The following ZMYM4 variants were observed in gnomAD, a reference collection of about 807,000 sequenced individuals.
ZMYM4 encodes zinc finger MYM-type protein 4.
ZMYM4 carries 31 observed loss-of-function variants against 183.2 expected under a neutral mutation model. That is an observed-to-expected ratio of 0.17 (90% CI 0.13 to 0.23). The LOEUF (loss-of-function observed/expected upper bound fraction) is 0.23, where lower values mean the gene tolerates loss of function less well. ZMYM4 is among the 10% of genes least tolerant of loss of function. The pLI is 1.00. For synonymous variants in ZMYM4, 592 were observed against 631.2 expected (o/e 0.94, Z 0.93); for missense variants, 1,273 against 1,840.3 (o/e 0.69, Z 5.64).
chr1:35,302,628 G>A (rs1028480737), intron 1 of ZMYM4, among the ~76,000 whole-genome samples: 4 of 151,726 alleles, frequency 2.6e-5, no homozygotes, highest in African/African-American at 7.3e-5. Flanking sequence ...CTCATGATCC[G>A]CCCTCCTCGG....
At chr1:35,331,968 C>T (rs1426798921) in intron 2 of ZMYM4, among the ~76,000 whole-genome samples, 1 of 151,482 alleles carries the variant, frequency 6.6e-6, no homozygotes, top group East Asian at 1.9e-4. Context: ...AAGATGATTC[C>T]AAATACAGGG....
intron 1 of ZMYM4, among the ~76,000 whole-genome samples, chr1:35,280,258 CTT>C (rs1161175167): frequency 7.7e-6 from 1 of 130,448 alleles, no homozygotes; most frequent in East Asian, 6.5e-4. Context: ...TTCTTTCTCT[CTT>C]TCTCTCTCTC....
intron 2 of ZMYM4, chr1:35,351,029 G>C: frequency 1.1e-6 from 1 of 904,024 alleles, no homozygotes. Context: ...CTGGCCTGCT[G>C]CTGGCCCGCA....
Position 35,404,879 on chromosome 1 carries a change from C to T in ZMYM4, c.3529-144C>T. 3 of 768,468 alleles carry T rather than the reference C, an allele frequency of 3.9e-6. No individual in the cohort carries two copies. The South Asian group carries it at 8.4e-5, about 21-fold the overall frequency. 47.6% of individuals were successfully genotyped at this position (768,468 alleles called of 1,614,324 possible). ...GATTAAATAATCTCTAAAGCCCTTT[C>T]TTGCTCTAAGAACTCTGAATCTTTA... On this transcript the variant is annotated intron_variant, in intron 23 of 29. Coordinates refer to ENST00000314607, the MANE Select transcript of ZMYM4 (RefSeq NM_005095.3).
rs1644669607 is a variant in ZMYM4 at position 35,389,996 on chromosome 1, T to A, written c.2485T>A (p.Leu829Met). 1.9e-6 allele frequency: 3 copies of A among 1,613,846 alleles called. No individual in the cohort carries two copies. Among genetic ancestry groups the A allele is most frequent in the Non-Finnish European group, 2.5e-6 (3 of 1,179,934 alleles). ...GCGACAGGGTAAACTCAGTGAGTCCTTGAAATGGCGAGGGGAAATGAAACA... is the reference window on the plus strand; with the variant it reads ...GCGACAGGGTAAACTCAGTGAGTCCATGAAATGGCGAGGGGAAATGAAACA... ...CKRQGKLSES[L>M]KWRGEMKHFC... The change falls in exon 15 of 30, where the codon TTG becomes ATG. Residue 829 changes from leucine to methionine, a missense_variant. By Grantham distance (15) the Leu-to-Met change is conservative. This residue lies in a region of ZMYM4 where 319 missense variants were observed against 518.1 expected (regional missense o/e 0.62). Coordinates refer to ENST00000314607, the MANE Select transcript of ZMYM4 (RefSeq NM_005095.3). The surrounding 1 kb of genome is among the most constrained non-coding windows in gnomAD (Gnocchi z 4.0).
At chr1:35,338,912 A>T (rs374349718) in intron 2 of ZMYM4, among the ~76,000 whole-genome samples, 1 of 152,232 alleles carries the variant, frequency 6.6e-6, no homozygotes, top group Non-Finnish European at 1.5e-5. Context: ...TTATGTCTTC[A>T]TAAAATCTTT....
chr1:35,358,910 ATT>A lies in ZMYM4; in HGVS notation c.86-12_86-11del. ...TAGCACTATCATTTGTCTAAACAGT[ATT>A]TTACTTTTTAAGGTGGTGGTATCAT... On this transcript the variant is annotated splice_polypyrimidine_tract_variant and intron_variant, in intron 2 of 29. Coordinates refer to ENST00000314607, the MANE Select transcript of ZMYM4 (RefSeq NM_005095.3). 6.2e-7 allele frequency: 1 copy of A among 1,603,142 alleles called. No individual in the cohort carries two copies. Among genetic ancestry groups the A allele is most frequent in the Non-Finnish European group, 8.5e-7 (1 of 1,173,790 alleles).
rs566160911 is a variant in ZMYM4 at position 35,304,890 on chromosome 1, G to T, written c.40-20470G>T. On this transcript the variant is annotated intron_variant, in intron 1 of 29. Coordinates refer to ENST00000314607, the MANE Select transcript of ZMYM4 (RefSeq NM_005095.3). ...TAGACAGAGTCTTGCTCTGTCCCCA[G>T]GCTGGAGTGCTGTGGCGCAATCTCA... Among the ~76,000 whole-genome samples, 13 of 152,094 alleles carry T rather than the reference G, an allele frequency of 8.5e-5. 2 individuals carry two copies. Among genetic ancestry groups the T allele is most frequent in the African/African-American group, 2.7e-4 (11 of 41,480 alleles).
At chr1:35,341,028 A>G (rs770556682) in intron 2 of ZMYM4, among the ~76,000 whole-genome samples, 6 of 152,124 alleles carry the variant, frequency 3.9e-5, no homozygotes, top group Non-Finnish European at 7.4e-5. Context: ...TTAAAGTTCT[A>G]TGTATATTGG....
At chr1:35,273,488 C>G (rs1317886778) in intron 1 of ZMYM4, among the ~76,000 whole-genome samples, 2 of 152,044 alleles carry the variant, frequency 1.3e-5, no homozygotes, top group Non-Finnish European at 2.9e-5. Flanking sequence ...GTTGTAAAAT[C>G]CTTGTCTTTT....
chr1:35,286,717 C>G (rs1043340132), intron 1 of ZMYM4, among the ~76,000 whole-genome samples: 2 of 149,768 alleles, frequency 1.3e-5, no homozygotes, highest in African/African-American at 4.9e-5. Context: ...TCCCACCTCA[C>G]CCACCTGAGC....
chr1:35,373,163 A>C (rs1644251507), intron 7 of ZMYM4, among the ~76,000 whole-genome samples: 1 of 151,926 alleles, frequency 6.6e-6, no homozygotes, highest in Admixed American at 6.6e-5. Context: ...TATCTCAAAA[A>C]AAAAGAAAGA....
intron 9 of ZMYM4, 58 bp downstream of exon 9, chr1:35,381,816 A>ATTTAT: frequency 1.3e-6 from 2 of 1,573,972 alleles, no homozygotes; most frequent in African/African-American, 1.4e-5. Context: ...CTGTATTTTT[A>ATTTAT]GTCAGAATTA....
At chr1:35,283,632 C>T (rs1012692164) in intron 1 of ZMYM4, among the ~76,000 whole-genome samples, 2 of 151,964 alleles carry the variant, frequency 1.3e-5, no homozygotes, top group Admixed American at 6.6e-5. Flanking sequence ...GCACTGCACC[C>T]GGCCTTGAAG....
chr1:35,384,477 T>A (rs1431901228), intron 9 of ZMYM4, among the ~76,000 whole-genome samples: 1 of 152,242 alleles, frequency 6.6e-6, no homozygotes, highest in East Asian at 1.9e-4. Context: ...ATGTTAATAA[T>A]ACTTAGCATT....
intron 2 of ZMYM4, among the ~76,000 whole-genome samples, chr1:35,328,030 T>A (rs1642578526): frequency 6.6e-6 from 1 of 152,160 alleles, no homozygotes; most frequent in Non-Finnish European, 1.5e-5. Context: ...TGCTCAAGTG[T>A]GTATATTGGT....
At chr1:35,331,706 G>A (rs1642753901) in intron 2 of ZMYM4, among the ~76,000 whole-genome samples, 1 of 151,756 alleles carries the variant, frequency 6.6e-6, no homozygotes. Context: ...AGAATCACTT[G>A]AACCCTGGAA....
intron 1 of ZMYM4, among the ~76,000 whole-genome samples, chr1:35,319,400 G>A (rs1446725203): frequency 1.3e-5 from 2 of 152,004 alleles, no homozygotes. Flanking sequence ...GAGGTGGGAA[G>A]ATCACGAGGC....
chr1:35,309,879 T>TA (rs1434389192), intron 1 of ZMYM4, among the ~76,000 whole-genome samples: 1 of 151,652 alleles, frequency 6.6e-6, no homozygotes, highest in Non-Finnish European at 1.5e-5. Context: ...GACATCTTCT[T>TA]AAAAAAACTT....
Sources: gnomAD v4.1 joint callset for allele counts (sites outside exome capture counted in the v4.1 genomes callset) on GRCh38, gnomAD v4.1.1 for gene constraint, gnomAD v4.1.1 regional missense constraint, Gnocchi (gnomAD v3.1) non-coding constraint, MANE v1.5 for transcripts, NCBI Gene and HGNC (gene_info 2026-07-23, HGNC 2026-07-21) for gene names.